CA10: variants seen among roughly 807,000 people sequenced by gnomAD.
CA10 encodes carbonic anhydrase-related protein 10.
A neutral mutation model predicts 44.2 loss-of-function variants in CA10; 14 were observed. The observed-to-expected ratio is 0.32, with a 90% CI of 0.21 to 0.50. The LOEUF (loss-of-function observed/expected upper bound fraction) is 0.50. Among genes scored for constraint, CA10 ranks in the 20% least tolerant of loss-of-function variants. The pLI, the probability that CA10 is intolerant of heterozygous loss-of-function variation, is 0.99. For missense variants in CA10, 350 were observed against 409.7 expected, an observed-to-expected ratio of 0.85 and a Z score of 1.26; for synonymous variants, 159 against 141.6, an observed-to-expected ratio of 1.12 and a Z score of -0.87.
At chr17:52,136,199 C>T (rs1243627163) in intron 1 of CA10, among the ~76,000 whole-genome samples, 1 of 152,112 alleles carries the variant, frequency 6.6e-6, no homozygotes, top group African/African-American at 2.4e-5. Flanking sequence ...CCTAAAAGCA[C>T]TTCATTTCAC....
intron 1 of CA10, among the ~76,000 whole-genome samples, chr17:52,124,834 C>A (rs1002495735): frequency 1.3e-5 from 2 of 152,208 alleles, no homozygotes; most frequent in African/African-American, 4.8e-5. Context: ...GCTTGCTCTC[C>A]TCTGTGCCCA....
intron 4 of CA10, among the ~76,000 whole-genome samples, chr17:51,655,590 T>G (rs1913763909): frequency 6.6e-6 from 1 of 152,252 alleles, no homozygotes. Context: ...CACCTGTGCC[T>G]GTCTATGCCT....
intron 1 of CA10, among the ~76,000 whole-genome samples, chr17:52,124,414 A>G (rs1427466728): frequency 6.6e-6 from 1 of 152,190 alleles, no homozygotes; most frequent in Non-Finnish European, 1.5e-5. Context: ...TCCTTTCCCC[A>G]GGATTCTGTT....
At chr17:51,792,447 C>A (rs1906556212) in intron 3 of CA10, among the ~76,000 whole-genome samples, 1 of 152,134 alleles carries the variant, frequency 6.6e-6, no homozygotes, top group South Asian at 2.1e-4. Flanking sequence ...AGATTGGTGG[C>A]AGCATATGTT....
Position 51,717,674 on chromosome 17 carries a change from T to TATACATATATGC in CA10, c.465+29958_465+29959insGCATATATGTAT, listed in dbSNP as rs1916173348. Among the ~76,000 whole-genome samples, 3 of 93,554 alleles carry TATACATATATGC rather than the reference T, an allele frequency of 3.2e-5. 1 individual carries two copies. The highest frequency in any genetic ancestry group is 4.3e-5 in the Non-Finnish European group (2 of 46,642). 61.4% of individuals were successfully genotyped at this position (93,554 alleles called of 152,430 possible). On this transcript the variant is annotated intron_variant, in intron 4 of 8. Transcript: ENST00000451037. ...ATATATACGTATATATACATGTATATATGTATATATGTATACATATATGCA... is the reference window on the plus strand; with the variant it reads ...ATATATACGTATATATACATGTATATATACATATATGCATGTATATATGTATACATATATGCA...
chr17:51,750,799 C>A (rs1277765422), intron 3 of CA10, among the ~76,000 whole-genome samples: 1 of 152,228 alleles, frequency 6.6e-6, no homozygotes, highest in African/African-American at 2.4e-5. Flanking sequence ...GACATGCATG[C>A]TTTGTGCCAT....
At chr17:51,923,277 T>A (rs1567886669) in intron 3 of CA10, among the ~76,000 whole-genome samples, 1 of 152,192 alleles carries the variant, frequency 6.6e-6, no homozygotes, top group Non-Finnish European at 1.5e-5. Context: ...ACCTTCTGCA[T>A]ATAGAGTAAG....
At chr17:51,784,950 T>C (rs1046535483) in intron 3 of CA10, among the ~76,000 whole-genome samples, 1 of 152,204 alleles carries the variant, frequency 6.6e-6, no homozygotes, top group African/African-American at 2.4e-5. Flanking sequence ...CTTTGGAAAA[T>C]GATCCTTCTA....
chr17:51,792,072 C>A (rs56288610), intron 3 of CA10, among the ~76,000 whole-genome samples: 3,788 of 152,160 alleles, frequency 0.025, 153 homozygotes, highest in African/African-American at 0.085. Flanking sequence ...TAAAGAGATG[C>A]TATATTGTGT....
intron 2 of CA10, among the ~76,000 whole-genome samples, chr17:52,036,659 C>T (rs1025608711): frequency 6.6e-6 from 1 of 152,178 alleles, no homozygotes; most frequent in African/African-American, 2.4e-5. Flanking sequence ...TACTTACTAG[C>T]CTGGGTCAGT....
intron 3 of CA10, among the ~76,000 whole-genome samples, chr17:51,759,922 C>T (rs1280102407): frequency 2.6e-5 from 4 of 152,228 alleles, no homozygotes; most frequent in Admixed American, 2.0e-4. Context: ...GATTCATCTT[C>T]AGGCCACTGT....
intron 1 of CA10, among the ~76,000 whole-genome samples, chr17:52,144,491 G>T (rs1170688982): frequency 3.3e-5 from 5 of 152,002 alleles, no homozygotes; most frequent in African/African-American, 7.3e-5. Flanking sequence ...AAAAATATGG[G>T]GCATTAATTT....
chr17:51,989,232 C>A lies in CA10; in HGVS notation c.137-58100G>T, dbSNP rs556562159. On this transcript the variant is annotated intron_variant, in intron 2 of 8. Coordinates refer to ENST00000451037, the MANE Select transcript of CA10 (RefSeq NM_020178.5). Reference sequence around the variant, plus strand: ...TTACCTAGGTAAATTTGTGTCATGGCGGTTTGTTCTACAGATTATTTCATC... The same window carrying A: ...TTACCTAGGTAAATTTGTGTCATGGAGGTTTGTTCTACAGATTATTTCATC... Among the ~76,000 whole-genome samples the A allele has an allele frequency of 3.3e-5, 5 of 150,236 alleles. No individual in the cohort carries two copies. The South Asian group carries it at 1.0e-3, about 32-fold the overall frequency.
In CA10 at chr17:52,114,932, A is replaced by C. The variant is rs75304315; in HGVS notation, c.62-42539T>G. ...CATTCTCCATCCACTGGGGCCCCCT[A>C]ATGCTATGCTCTGCCACTGATATAT... On this transcript the variant is annotated intron_variant, in intron 1 of 8. Transcript: ENST00000451037. 7.0e-3 allele frequency among the ~76,000 whole-genome samples: 1,060 copies of C among 152,252 alleles called. 17 individuals are homozygous for C. The highest frequency in any genetic ancestry group is 0.024 in the African/African-American group (1,014 of 41,564).
At chr17:51,718,348 G>A (rs1410037413) in intron 4 of CA10, among the ~76,000 whole-genome samples, 1 of 152,178 alleles carries the variant, frequency 6.6e-6, no homozygotes, top group Non-Finnish European at 1.5e-5. Flanking sequence ...CCAGGAAGAA[G>A]AGAGAGGCCG....
chr17:51,894,154 A>T (rs1980973169), intron 3 of CA10, among the ~76,000 whole-genome samples: 1 of 152,086 alleles, frequency 6.6e-6, no homozygotes, highest in South Asian at 2.1e-4. Context: ...AAGCTAAACA[A>T]TTCATAACAC....
intron 2 of CA10, among the ~76,000 whole-genome samples, chr17:52,021,633 T>C (rs1236529893): frequency 1.3e-5 from 2 of 151,744 alleles, no homozygotes; most frequent in African/African-American, 4.8e-5. Context: ...TTTGTAAGGA[T>C]AAAAAAGATC....
chr17:51,649,389 G>T (rs1913466810), intron 5 of CA10, 135 bp from the exon 6 acceptor site: 1 of 694,944 alleles, frequency 1.4e-6, no homozygotes, highest in African/African-American at 1.8e-5. Context: ...TGCAAATTCA[G>T]AGAGCAAAGC....
intron 2 of CA10, among the ~76,000 whole-genome samples, chr17:51,933,041 G>A (rs1051657065): frequency 1.3e-5 from 2 of 152,108 alleles, no homozygotes; most frequent in African/African-American, 4.8e-5. Context: ...GCAAATGTGA[G>A]CATGCCAGGG....
Sources: allele counts gnomAD v4.1 joint callset (sites outside exome capture counted in the v4.1 genomes callset), GRCh38; gene constraint gnomAD v4.1.1; transcripts MANE v1.5; gene names NCBI Gene and HGNC (gene_info 2026-07-23, HGNC 2026-07-21).